Variants in TRAPPC3L observed in about 807,000 individuals in gnomAD.
The protein encoded by TRAPPC3L is trafficking protein particle complex subunit 3-like protein.
TRAPPC3L carries 23 observed loss-of-function variants against 23.7 expected under a neutral mutation model. The ratio of observed to expected loss-of-function variants is 0.97; its 90% confidence interval spans 0.70 to 1.37. The LOEUF is 1.37. Among genes scored for constraint, TRAPPC3L ranks in the 40% most tolerant of loss-of-function variants. The pLI is 0.00. For missense variants in TRAPPC3L, 212 were observed against 216.8 expected (o/e 0.98, Z 0.14); for synonymous variants, 81 against 77.9 (o/e 1.04, Z -0.21).
intron 3 of TRAPPC3L, among the ~76,000 whole-genome samples, chr6:116,510,385 G>A (rs143146116): frequency 1.3e-5 from 2 of 152,076 alleles, no homozygotes; most frequent in African/African-American, 4.8e-5. Context: ...GGGCTCAAGC[G>A]ATCCTCCCAT....
rs543445640 is a variant in TRAPPC3L at position 116,534,231 on chromosome 6, G to A, written c.240+6132C>T. 5.9e-5 allele frequency among the ~76,000 whole-genome samples: 9 copies of A among 152,104 alleles called. No individual in the cohort carries two copies. The South Asian group carries it at 8.3e-4, about 14-fold the overall frequency. On this transcript the variant is annotated intron_variant, in intron 3 of 4. Coordinates refer to ENST00000368602, the MANE Select transcript of TRAPPC3L (RefSeq NM_001139444.3). ...CTCCTGACTGAAACCTCTCTGGCTC[G>A]CCTTCCAAGCTGTGGGACTCCCCTC...
chr6:116,519,551 C>A (rs1415448280), intron 3 of TRAPPC3L: 4 of 152,196 alleles, frequency 2.6e-5, no homozygotes, highest in Non-Finnish European at 4.4e-5. Context: ...TAATGTTTGC[C>A]ATAACAGTCT....
chr6:116,497,141 C>G (rs1402001610), intron 4 of TRAPPC3L, 68 bp from the exon 5 acceptor site: 1 of 1,480,950 alleles, frequency 6.8e-7, no homozygotes. Flanking sequence ...TTTTCTCAGT[C>G]TTTTTTCAGC....
chr6:116,506,489 T>C (rs1042815970), intron 3 of TRAPPC3L, among the ~76,000 whole-genome samples: 6 of 152,160 alleles, frequency 3.9e-5, no homozygotes, highest in African/African-American at 1.4e-4. Flanking sequence ...AGAAATACCA[T>C]TTGACCCAGC....
At chr6:116,519,263 G>C (rs1405980277) in intron 3 of TRAPPC3L, 1 of 152,220 alleles carries the variant, frequency 6.6e-6, no homozygotes, top group Non-Finnish European at 1.5e-5. Flanking sequence ...ACACAAGAAA[G>C]AATGCAGTTA....
intron 3 of TRAPPC3L, among the ~76,000 whole-genome samples, chr6:116,526,255 T>C (rs9488955): frequency 0.037 from 5,591 of 152,276 alleles, 337 homozygotes; most frequent in African/African-American, 0.13. Flanking sequence ...TTTTCCACTT[T>C]TTTTCCAAAT....
intron 3 of TRAPPC3L, among the ~76,000 whole-genome samples, chr6:116,538,804 TC>T (rs1773254439): frequency 6.6e-6 from 1 of 151,892 alleles, no homozygotes; most frequent in Non-Finnish European, 1.5e-5. Context: ...TGATCTTGAC[TC>T]ACTGTAACCT....
rs1772519225 is a variant in TRAPPC3L at position 116,528,522 on chromosome 6, C to T, written c.240+11841G>A. On this transcript the variant is annotated intron_variant, in intron 3 of 4. Transcript: ENST00000368602. ...TTTTAATAATCTATCTGCCATATTT[C>T]TGGCCCAAATTGTAAGATGTCTTAA... Among the ~76,000 whole-genome samples the T allele has an allele frequency of 3.3e-5, 5 of 152,314 alleles. No homozygotes were observed. In the South Asian group the frequency reaches 8.3e-4, roughly 25 times the overall value.
intron 3 of TRAPPC3L, among the ~76,000 whole-genome samples, chr6:116,532,004 G>A (rs968426175): frequency 1.3e-5 from 2 of 152,074 alleles, no homozygotes; most frequent in African/African-American, 4.8e-5. Context: ...TCCTGTTCAG[G>A]ATCCTACCGC....
intron 3 of TRAPPC3L, among the ~76,000 whole-genome samples, chr6:116,529,915 G>T (rs1180554270): frequency 6.6e-6 from 1 of 152,116 alleles, no homozygotes; most frequent in African/African-American, 2.4e-5. Flanking sequence ...GTTGAGGAAT[G>T]GAAAGCAACT....
intron 4 of TRAPPC3L, 140 bp from the exon 5 acceptor site, chr6:116,497,213 T>G: frequency 7.8e-5 from 74 of 945,620 alleles, no homozygotes; most frequent in Non-Finnish European, 9.3e-5. Flanking sequence ...AAGGGCCCTT[T>G]ACTGAGTGTC....
rs1294544379 is a variant in TRAPPC3L at position 116,545,608 on chromosome 6, G to GT, written c.-95dup. The GT allele has an allele frequency of 8.6e-7, 1 of 1,168,992 alleles. No homozygotes were observed. The highest frequency in any genetic ancestry group is 1.5e-5 in the South Asian group (1 of 66,386). The allele number at this position is 1,168,992 out of a possible 1,614,324, so 72.4% of individuals were successfully genotyped here. ...GTCCATGTCTTTTTGTTTTGTTTTTGTAAGCTCTTCCTCGCTTTGAGACAG... is the reference window on the plus strand; with the variant it reads ...GTCCATGTCTTTTTGTTTTGTTTTTGTTAAGCTCTTCCTCGCTTTGAGACAG... On this transcript the variant is annotated 5_prime_UTR_variant, in exon 1 of 5. Transcript: ENST00000368602.
intron 4 of TRAPPC3L, among the ~76,000 whole-genome samples, chr6:116,500,017 AG>A (rs1292440540): frequency 6.6e-6 from 1 of 152,206 alleles, no homozygotes; most frequent in Non-Finnish European, 1.5e-5. Context: ...TCACACCCTC[AG>A]GTAGCACCCT....
In TRAPPC3L at chr6:116,496,932, G is replaced by A. The variant is rs781036156; in HGVS notation, c.*22C>T. On this transcript the variant is annotated 3_prime_UTR_variant, in exon 5 of 5. Coordinates refer to ENST00000368602, the MANE Select transcript of TRAPPC3L (RefSeq NM_001139444.3). ...TAACATTAACTCAGCTAGCCGCCCC[G>A]TGGCATTTTCCGTGCTAGTCTTCAT... 19 of 1,534,278 alleles carry A rather than the reference G, an allele frequency of 1.2e-5. No individual in the cohort carries two copies. The highest frequency in any genetic ancestry group is 4.4e-5 in the Admixed American group (2 of 45,296).
At chr6:116,510,483 T>A (rs1447252971) in intron 3 of TRAPPC3L, among the ~76,000 whole-genome samples, 5 of 151,898 alleles carry the variant, frequency 3.3e-5, no homozygotes, top group Admixed American at 2.6e-4. Context: ...AGAGGGAGAT[T>A]CACCATGTTG....
At chr6:116,511,112 ATATATATATGTATATT>A (rs1481390503) in intron 3 of TRAPPC3L, among the ~76,000 whole-genome samples, 1 of 147,242 alleles carries the variant, frequency 6.8e-6, no homozygotes. Context: ...ATATGTATAT[ATATATATATGTATATT>A]TATATGTATA....
At chr6:116,515,763 A>G in intron 3 of TRAPPC3L, 1 of 1,614,024 alleles carries the variant, frequency 6.2e-7, no homozygotes. Context: ...GACTATGCCA[A>G]CAAGCTGAGC....
Position 116,512,384 on chromosome 6 carries a change from AG to A in TRAPPC3L, c.241-11719del, listed in dbSNP as rs1287849080. On this transcript the variant is annotated intron_variant, in intron 3 of 4. Transcript: ENST00000368602. ...CATGATGCAGCATTGAGACTATCTCAGGAAAAGCTTTTGAAAGGCTGGGTGG... is the reference window on the plus strand; with the variant it reads ...CATGATGCAGCATTGAGACTATCTCAGAAAAGCTTTTGAAAGGCTGGGTGG... The A allele has an allele frequency of 1.9e-5, 18 of 932,820 alleles. No homozygotes were observed. The African/African-American group carries it at 2.8e-4, about 15-fold the overall frequency. The allele number at this position is 932,820 out of a possible 1,614,324, so 57.8% of individuals were successfully genotyped here.
At position 116,496,186 on chromosome 6, in the gene TRAPPC3L, T is replaced by C. The variant is rs75659122; in HGVS notation, c.*768A>G. 6.6e-6 allele frequency: 1 copy of C among 152,286 alleles called. No individual in the cohort carries two copies. The highest frequency in any genetic ancestry group is 1.5e-5 in the Non-Finnish European group (1 of 68,016). 9.4% of individuals were successfully genotyped at this position (152,286 alleles called of 1,614,324 possible). On this transcript the variant is annotated 3_prime_UTR_variant, in exon 5 of 5. Coordinates refer to ENST00000368602, the MANE Select transcript of TRAPPC3L (RefSeq NM_001139444.3). Reference sequence around the variant, plus strand: ...AAGATTTTTTAGAGGATGAAAATGATAGTAGAAATTCTGAATTAATAAGCT... The same window carrying C: ...AAGATTTTTTAGAGGATGAAAATGACAGTAGAAATTCTGAATTAATAAGCT...
Sources: allele counts gnomAD v4.1 joint callset (sites outside exome capture counted in the v4.1 genomes callset), GRCh38; gene constraint gnomAD v4.1.1; transcripts MANE v1.5; gene names NCBI Gene and HGNC (gene_info 2026-07-23, HGNC 2026-07-21).